Variants in ARFGEF1 observed in about 807,000 individuals in gnomAD.
The protein encoded by ARFGEF1 is ARF guanine nucleotide exchange factor 1, also known as brefeldin A-inhibited guanine nucleotide-exchange protein 1.
Under a neutral mutation model 231.0 loss-of-function variants are expected in ARFGEF1, and 42 were observed. The ratio of observed to expected loss-of-function variants is 0.18; its 90% CI spans 0.14 to 0.24. The LOEUF (loss-of-function observed/expected upper bound fraction) is 0.24, where lower values mean the gene tolerates loss of function less well. ARFGEF1 is among the 10% of genes least tolerant of loss of function. The pLI is 1.00. For missense variants in ARFGEF1, 1,345 were observed against 2,192.0 expected (o/e 0.61, Z 7.72); for synonymous variants, 710 against 732.3 (o/e 0.97, Z 0.49).
At chr8:67,320,786 A>C (rs1337123977) in intron 1 of ARFGEF1, among the ~76,000 whole-genome samples, 1 of 151,844 alleles carries the variant, frequency 6.6e-6, no homozygotes, top group Non-Finnish European at 1.5e-5. Flanking sequence ...ACATGGTGAA[A>C]CCCCGTCTCT....
intron 34 of ARFGEF1, among the ~76,000 whole-genome samples, chr8:67,209,266 A>C (rs1287643763): frequency 8.8e-6 from 1 of 114,272 alleles, no homozygotes; most frequent in Non-Finnish European, 1.7e-5. Context: ...AAAAGGAATG[A>C]ATTACTGATT....
chr8:67,199,111 T>C lies in ARFGEF1; in HGVS notation c.5386-13A>G. 9 of 1,602,088 alleles carry C rather than the reference T, an allele frequency of 5.6e-6. No individual in the cohort carries two copies. The highest frequency in any genetic ancestry group is 7.6e-6 in the Non-Finnish European group (9 of 1,177,040). ...CATGAGCTTTAAACTGCAGGGAAAA[T>C]GAATTTCTCCATTAGTAGTGATTGC... is the stretch of plus-strand genomic sequence containing the variant. On this transcript the variant is annotated splice_polypyrimidine_tract_variant and intron_variant, in intron 38 of 38. Coordinates refer to ENST00000262215, the MANE Select transcript of ARFGEF1 (RefSeq NM_006421.5).
chr8:67,215,761 T>C (rs1390845090), intron 33 of ARFGEF1, among the ~76,000 whole-genome samples: 1 of 152,192 alleles, frequency 6.6e-6, no homozygotes, highest in East Asian at 1.9e-4. Context: ...CCCATGGTCT[T>C]TAGAACCATG....
chr8:67,282,379 T>C (rs1285230111), intron 7 of ARFGEF1, among the ~76,000 whole-genome samples: 1 of 151,870 alleles, frequency 6.6e-6, no homozygotes, highest in Non-Finnish European at 1.5e-5. Flanking sequence ...AAAATAAATC[T>C]GAGATGAATT....
Position 67,198,880 on chromosome 8 carries a change from C to T in ARFGEF1, c.*54G>A, listed in dbSNP as rs189883663. ...TTCAGGTAGGAAACCTCAGCTCCAGCGTCCTTTTAAAGAGCAGAGGGATGT... is the reference window on the plus strand; with the variant it reads ...TTCAGGTAGGAAACCTCAGCTCCAGTGTCCTTTTAAAGAGCAGAGGGATGT... On this transcript the variant is annotated 3_prime_UTR_variant, in exon 39 of 39. Transcript: ENST00000262215. The T allele has an allele frequency of 6.8e-5, 108 of 1,587,494 alleles. 1 individual carries two copies. The highest frequency in any genetic ancestry group is 8.5e-5 in the Non-Finnish European group (100 of 1,171,730).
At position 67,299,320 on chromosome 8, in the gene ARFGEF1, A is replaced by T. The variant is rs1225435537; in HGVS notation, c.348T>A (p.Ala116=). 1 of 1,608,062 alleles carries T rather than the reference A, an allele frequency of 6.2e-7. No homozygotes were observed. The highest frequency in any genetic ancestry group is 1.1e-5 in the South Asian group (1 of 89,018). ...LIAYGHLTGN[A]PDSTTPGKKL... The stretch of plus-strand genomic sequence containing the variant: ...TTTTGCCTGGTGTTGTACTATCTGG[A>T]GCATTGCCAGTCAAGTGCCCATAAG... The change falls in exon 4 of 39, where the codon GCT becomes GCA. Residue 116 remains alanine (A), a synonymous_variant. Transcript: ENST00000262215.
At chr8:67,299,170 C>G (rs1806368675) in intron 4 of ARFGEF1, 39 bp downstream of exon 4, 2 of 1,470,758 alleles carry the variant, frequency 1.4e-6, no homozygotes, top group Non-Finnish European at 1.8e-6. Context: ...TTTGAAGATA[C>G]AGATTATTAA....
At chr8:67,279,160 A>C (rs1805433270) in intron 7 of ARFGEF1, among the ~76,000 whole-genome samples, 1 of 152,144 alleles carries the variant, frequency 6.6e-6, no homozygotes, top group African/African-American at 2.4e-5. Context: ...GACTCAGAAA[A>C]AAACTAACAA....
intron 34 of ARFGEF1, among the ~76,000 whole-genome samples, chr8:67,210,165 A>AAAAAAAAAAG (rs1462805434): frequency 1.3e-5 from 2 of 150,732 alleles, no homozygotes; most frequent in East Asian, 3.9e-4. Context: ...AAAAAAAAAA[A>AAAAAAAAAAG]AAAAAAAAAG....
In ARFGEF1 at chr8:67,211,318, ACTGGGCGACAGAGTGAAACTCCGT is replaced by A. The variant is rs1454770736; in HGVS notation, c.4819+141_4819+164del. Among the ~76,000 whole-genome samples the A allele has an allele frequency of 4.2e-5, 6 of 142,070 alleles. No homozygotes were observed. In the East Asian group the frequency reaches 1.0e-3, roughly 24 times the overall value. 93.2% of individuals were successfully genotyped at this position (142,070 alleles called of 152,430 possible). A position where few individuals can be genotyped will look rare whatever the true frequency, so the allele number is the denominator to read the frequency against. On this transcript the variant is annotated intron_variant, in intron 34 of 38. Coordinates refer to ENST00000262215, the MANE Select transcript of ARFGEF1 (RefSeq NM_006421.5). ...ACGATGGCGTGCCACTGTACTCCAGACTGGGCGACAGAGTGAAACTCCGTCTCAAAAAAAAAAAAAAAAAAAAGA... is the reference window on the plus strand; with the variant it reads ...ACGATGGCGTGCCACTGTACTCCAGACTCAAAAAAAAAAAAAAAAAAAAGA...
rs575362914 is a variant in ARFGEF1 at position 67,311,431 on chromosome 8, C to T, written c.125-8965G>A. Among the ~76,000 whole-genome samples the T allele has an allele frequency of 6.7e-3, 906 of 134,916 alleles. 18 individuals are homozygous for T. The highest frequency in any genetic ancestry group is 0.024 in the African/African-American group (862 of 35,314). The allele number at this position is 134,916 out of a possible 152,430, so 88.5% of individuals were successfully genotyped here. A position where few individuals can be genotyped will look rare whatever the true frequency, so the allele number is the denominator to read the frequency against. ...GGAGGGAGGTGGGGGGTCAGCCCCC[C>T]GCCCGGCCAGCCGCCCCATCAGGGA... On this transcript the variant is annotated intron_variant, in intron 1 of 38. Transcript: ENST00000262215.
rs747343218 is a variant in ARFGEF1 at position 67,198,898 on chromosome 8, A to G, written c.*36T>C. 3 of 1,608,364 alleles carry G rather than the reference A, an allele frequency of 1.9e-6. No individual in the cohort carries two copies. In the South Asian group the frequency reaches 3.3e-5, roughly 18 times the overall value. ...GCTCCAGCGTCCTTTTAAAGAGCAG[A>G]GGGATGTAAATGCCAACAAAAATAT... On this transcript the variant is annotated 3_prime_UTR_variant, in exon 39 of 39. Coordinates refer to ENST00000262215, the MANE Select transcript of ARFGEF1 (RefSeq NM_006421.5).
At position 67,228,143 on chromosome 8, in the gene ARFGEF1, A is replaced by C; in HGVS notation, c.3422-11T>G. 1.2e-6 allele frequency: 2 copies of C among 1,609,602 alleles called. No homozygotes were observed. Among genetic ancestry groups the C allele is most frequent in the Non-Finnish European group, 1.7e-6 (2 of 1,178,492 alleles). On this transcript the variant is annotated splice_polypyrimidine_tract_variant and intron_variant, in intron 24 of 38. Transcript: ENST00000262215. ...AACGGACAAAATCCACTGTAATATA[A>C]ATACATTTTTTTTTTAGCTCAACAT...
chr8:67,211,392 A>G, intron 34 of ARFGEF1, 91 bp downstream of exon 34: 2 of 826,904 alleles, frequency 2.4e-6, no homozygotes, highest in South Asian at 5.2e-5. Flanking sequence ...CAATTATAGT[A>G]TATGCTTGTT....
chr8:67,195,750 TA>T, downstream of ARFGEF1: 1 of 611,046 alleles, frequency 1.6e-6, no homozygotes, highest in South Asian at 2.2e-5. Context: ...ATTATGTACA[TA>T]AATAAAAGGC....
intron 23 of ARFGEF1, among the ~76,000 whole-genome samples, chr8:67,231,572 T>C (rs1839555101): frequency 6.6e-6 from 1 of 152,068 alleles, no homozygotes; most frequent in African/African-American, 2.4e-5. Flanking sequence ...AAATGTTAAA[T>C]CATGCCTGAA....
intron 5 of ARFGEF1, among the ~76,000 whole-genome samples, chr8:67,187,216 T>G (rs1341595625): frequency 6.6e-6 from 1 of 152,184 alleles, no homozygotes; most frequent in Non-Finnish European, 1.5e-5. Flanking sequence ...AACAACAAAC[T>G]GATTCTAAAG....
At chr8:67,298,166 T>G (rs192583657) in intron 4 of ARFGEF1, among the ~76,000 whole-genome samples, 111 of 152,104 alleles carry the variant, frequency 7.3e-4, no homozygotes, top group Non-Finnish European at 1.3e-3. Context: ...ACTATAAAAC[T>G]GAAAGGCTCC....
chr8:67,175,272 T>C, downstream of ARFGEF1: 2 of 1,569,550 alleles, frequency 1.3e-6, no homozygotes, highest in Non-Finnish European at 1.7e-6. Context: ...TTAACTTAGT[T>C]ATATAACATA....
Sources: gnomAD v4.1 joint callset for allele counts (sites outside exome capture counted in the v4.1 genomes callset) on GRCh38, gnomAD v4.1.1 for gene constraint, MANE v1.5 for transcripts, NCBI Gene and HGNC (gene_info 2026-07-23, HGNC 2026-07-21) for gene names.